The following KDM1A variants were observed in gnomAD, a reference collection of about 807,000 sequenced individuals.
KDM1A encodes lysine demethylase 1A.
KDM1A carries 49 observed loss-of-function variants against 109.4 expected under a neutral mutation model. The observed-to-expected ratio is 0.45, with a 90% CI of 0.36 to 0.57. The LOEUF is 0.57. KDM1A is among the 20% of genes least tolerant of loss of function. The pLI, the probability that KDM1A is intolerant of heterozygous loss-of-function variation, is 0.00. For missense variants in KDM1A, 668 were observed against 1,116.6 expected, an observed-to-expected ratio of 0.60 and a Z score of 5.73; for synonymous variants, 380 against 415.4, an observed-to-expected ratio of 0.91 and a Z score of 1.04.
intron 9 of KDM1A, 51 bp from the exon 10 acceptor site, chr1:23,066,009 G>A (rs150813244): frequency 3.1e-6 from 5 of 1,602,430 alleles, no homozygotes; most frequent in Admixed American, 3.5e-5. Context: ...TGATGTGGCT[G>A]TTGGGCTGTT....
intron 3 of KDM1A, among the ~76,000 whole-genome samples, chr1:23,046,502 G>C (rs1169848397): frequency 2.0e-5 from 3 of 151,956 alleles, no homozygotes; most frequent in Non-Finnish European, 4.4e-5. Context: ...TCTCATGGAG[G>C]CCTTCTTTTC....
intron 3 of KDM1A, among the ~76,000 whole-genome samples, chr1:23,049,381 T>C (rs1642596105): frequency 6.6e-6 from 1 of 152,056 alleles, no homozygotes; most frequent in South Asian, 2.1e-4. Context: ...TATCCACCAA[T>C]TTATAAAACT....
chr1:23,080,697 G>A (rs1643594018), intron 18 of KDM1A, among the ~76,000 whole-genome samples: 1 of 152,044 alleles, frequency 6.6e-6, no homozygotes, highest in African/African-American at 2.4e-5. Flanking sequence ...TAGGCCTGGG[G>A]GTGCTGCTTC....
intron 10 of KDM1A, among the ~76,000 whole-genome samples, chr1:23,068,178 T>C (rs527698398): frequency 6.6e-6 from 1 of 152,312 alleles, no homozygotes; most frequent in African/African-American, 2.4e-5. Flanking sequence ...CTGGGACTTT[T>C]CTAGTGTGTT....
intron 6 of KDM1A, chr1:23,055,448 T>TA (rs1642804570): frequency 5.1e-6 from 1 of 197,480 alleles, no homozygotes; most frequent in Non-Finnish European, 1.0e-5. Context: ...TACAATTTGT[T>TA]AAAAATGAGA....
chr1:23,057,411 C>T (rs764219341), intron 7 of KDM1A, 73 bp from the exon 8 acceptor site: 46 of 1,058,706 alleles, frequency 4.3e-5, no homozygotes, highest in Non-Finnish European at 6.8e-5. Flanking sequence ...AAGACAGAGC[C>T]GTGGTATGGT....
intron 1 of KDM1A, chr1:23,020,623 A>G (rs994285556): frequency 6.6e-6 from 1 of 152,128 alleles, no homozygotes; most frequent in African/African-American, 2.4e-5. Context: ...TCCAAACAGT[A>G]TATACAGACA....
chr1:23,025,014 C>G (rs2124344504), intron 1 of KDM1A, among the ~76,000 whole-genome samples: 1 of 152,274 alleles, frequency 6.6e-6, no homozygotes, highest in South Asian at 2.1e-4. Flanking sequence ...CATCTAGGAA[C>G]AAGATAGATT....
chr1:23,021,776 A>G (rs1641638727), intron 1 of KDM1A, among the ~76,000 whole-genome samples: 1 of 152,192 alleles, frequency 6.6e-6, no homozygotes, highest in Admixed American at 6.5e-5. Flanking sequence ...TACAGCCAAC[A>G]CCACAATTGA....
chr1:23,049,990 A>G (rs1642617993), intron 3 of KDM1A, among the ~76,000 whole-genome samples: 1 of 152,168 alleles, frequency 6.6e-6, no homozygotes. Context: ...ATCCTAAAAG[A>G]AGGCATGTGA....
chr1:23,046,071 T>G (rs995606087), intron 3 of KDM1A, among the ~76,000 whole-genome samples: 3 of 152,202 alleles, frequency 2.0e-5, no homozygotes, highest in African/African-American at 7.2e-5. Context: ...CTTGTCTAAC[T>G]TCCTGCCTTC....
chr1:23,041,172 T>C (rs1417339869), intron 2 of KDM1A, among the ~76,000 whole-genome samples: 1 of 152,194 alleles, frequency 6.6e-6, no homozygotes, highest in Non-Finnish European at 1.5e-5. Flanking sequence ...GTCTATAATA[T>C]ACTGCTAGTA....
intron 4 of KDM1A, among the ~76,000 whole-genome samples, chr1:23,050,809 G>T (rs1419597426): frequency 1.3e-5 from 2 of 152,016 alleles, no homozygotes; most frequent in Non-Finnish European, 2.9e-5. Context: ...TTTAGGCTGG[G>T]CGTGGTGGCT....
intron 14 of KDM1A, 53 bp from the exon 15 acceptor site, chr1:23,073,239 G>C (rs764875230): frequency 1.1e-6 from 1 of 947,482 alleles, no homozygotes; most frequent in South Asian, 1.4e-5. Flanking sequence ...ACATCACACT[G>C]AGAGAACTAG....
At chr1:23,074,689 CTTATGT>C (rs1178853400) in intron 15 of KDM1A, among the ~76,000 whole-genome samples, 2 of 152,078 alleles carry the variant, frequency 1.3e-5, no homozygotes, top group African/African-American at 4.8e-5. Flanking sequence ...GGGTTTAGCT[CTTATGT>C]TTAGGTCTAT....
Position 23,069,158 on chromosome 1 carries a change from T to C in KDM1A, c.1413+7T>C. 1 of 1,521,934 alleles carries C rather than the reference T, an allele frequency of 6.6e-7. No individual in the cohort carries two copies. Among genetic ancestry groups the C allele is most frequent in the Admixed American group, 1.8e-5 (1 of 56,130 alleles). The allele number at this position is 1,521,934 out of a possible 1,614,324, so 94.3% of individuals were successfully genotyped here. Reference sequence around the variant, plus strand: ...GAAAGAACTTCTTAATAAGGTGAAATTCTGTATTTTCTTCATAGCTGAAGA... The same window carrying C: ...GAAAGAACTTCTTAATAAGGTGAAACTCTGTATTTTCTTCATAGCTGAAGA... On this transcript the variant is annotated splice_region_variant and intron_variant, in intron 12 of 20. Coordinates refer to ENST00000400181, the MANE Select transcript of KDM1A (RefSeq NM_001009999.3).
intron 1 of KDM1A, among the ~76,000 whole-genome samples, chr1:23,024,452 G>C (rs2124342198): frequency 6.6e-6 from 1 of 152,230 alleles, no homozygotes; most frequent in Middle Eastern, 3.4e-3. Flanking sequence ...TTATGACTTG[G>C]GAGCTTATCC....
At chr1:23,078,652 A>C (rs1336647471) in intron 16 of KDM1A, among the ~76,000 whole-genome samples, 3 of 152,180 alleles carry the variant, frequency 2.0e-5, no homozygotes, top group African/African-American at 4.8e-5. Flanking sequence ...TGAGCACTTT[A>C]TTCTTTATTT....
intron 2 of KDM1A, among the ~76,000 whole-genome samples, chr1:23,042,440 A>ATTATTTTTATTTTTTT (rs1553127465): frequency 4.6e-5 from 1 of 21,560 alleles, no homozygotes; most frequent in African/African-American, 1.6e-4. Flanking sequence ...GAAATATATT[A>ATTATTTTTATTTTTTT]TTTTTTTTTT....
Sources: allele counts gnomAD v4.1 joint callset (sites outside exome capture counted in the v4.1 genomes callset), GRCh38; gene constraint gnomAD v4.1.1; transcripts MANE v1.5; gene names NCBI Gene and HGNC (gene_info 2026-07-23, HGNC 2026-07-21).